Variants in TLN1 observed in about 807,000 individuals in gnomAD.
TLN1 encodes the protein talin-1.
A neutral mutation model predicts 292.3 loss-of-function variants in TLN1; 56 were observed. The ratio of observed to expected loss-of-function variants is 0.19; its 90% confidence interval spans 0.15 to 0.24. The LOEUF (loss-of-function observed/expected upper bound fraction) is 0.24. TLN1 is among the 10% of genes least tolerant of loss of function. TLN1 has a pLI of 1.00. For synonymous variants in TLN1, 1,119 were observed against 1,253.7 expected, an observed-to-expected ratio of 0.89 and a Z score of 2.27; for missense variants, 2,433 against 3,248.2, an observed-to-expected ratio of 0.75 and a Z score of 6.10.
In TLN1 at chr9:35,698,723, C is replaced by G; in HGVS notation, c.7126-44G>C. Reference sequence around the variant, plus strand: ...CCTACTTAGACCTGCATTTTCCTCACTTCAAAGACTCGCTGGCTATGGATG... The same window carrying G: ...CCTACTTAGACCTGCATTTTCCTCAGTTCAAAGACTCGCTGGCTATGGATG... On this transcript the variant is annotated intron_variant, in intron 53 of 56. Coordinates refer to ENST00000314888, the MANE Select transcript of TLN1 (RefSeq NM_006289.4). The surrounding 1 kb of genome is among the most constrained non-coding windows in gnomAD (Gnocchi z 5.3). The G allele has an allele frequency of 6.2e-7, 1 of 1,614,132 alleles. No individual in the cohort carries two copies. Among genetic ancestry groups the G allele is most frequent in the Non-Finnish European group, 8.5e-7 (1 of 1,180,028 alleles).
rs1825406042 is a variant in TLN1, at chr9:35,698,453, G to A, written c.7241C>T (p.Ala2414Val). ...CTCCTGGCTGGCATGGCCTTGTACA[G>A]CTGCATTGGCTGCCTCACACAGATT... is the stretch of plus-strand genomic sequence containing the variant. The part of the protein sequence containing the change: ...TNNLCEAANA[A>V]VQGHASQEKL... The change falls in exon 55 of 57, where the codon GCT (alanine) becomes GTT (valine). Residue 2414 changes from alanine (A) to valine (V), a missense_variant. By Grantham distance (64) the Ala-to-Val change is moderately conservative. Around this residue, in one of 7 missense-constraint regions of TLN1, gnomAD observed 141 missense variants for 248.5 expected, o/e 0.57. Coordinates refer to ENST00000314888, the MANE Select transcript of TLN1 (RefSeq NM_006289.4). This position sits in a 1 kb window ranked among gnomAD's most constrained non-coding sequence, Gnocchi z 5.3. The A allele has an allele frequency of 6.2e-7, 1 of 1,613,934 alleles. No homozygotes were observed.
Position 35,717,964 on chromosome 9 carries a change from C to G in TLN1, c.1996-178G>C, listed in dbSNP as rs868822287. ...AGCACCCAGCAGGACAGAACCCCCACCGAGGAACAAACCCACACCAAGAGA... is the reference window on the plus strand; with the variant it reads ...AGCACCCAGCAGGACAGAACCCCCAGCGAGGAACAAACCCACACCAAGAGA... On this transcript the variant is annotated intron_variant, in intron 17 of 56. Coordinates refer to ENST00000314888, the MANE Select transcript of TLN1 (RefSeq NM_006289.4). This position sits in a 1 kb window ranked among gnomAD's most constrained non-coding sequence, Gnocchi z 4.7. Among the ~76,000 whole-genome samples, 1 of 152,150 alleles carries G rather than the reference C, an allele frequency of 6.6e-6. No individual in the cohort carries two copies. The highest frequency in any genetic ancestry group is 2.1e-4 in the South Asian group (1 of 4,824).
At chr9:35,712,790 GA>G (rs1263029842) in intron 27 of TLN1, 44 bp downstream of exon 27, 2 of 1,520,690 alleles carry the variant, frequency 1.3e-6, no homozygotes. Context: ...TGGGCCTTAT[GA>G]AGGAACCTGG....
chr9:35,722,447 T>C (rs1825893374), intron 8 of TLN1, among the ~76,000 whole-genome samples: 1 of 152,148 alleles, frequency 6.6e-6, no homozygotes, highest in Non-Finnish European at 1.5e-5. Context: ...TCTGGAGATA[T>C]GAACAGAGAG....
At chr9:35,701,223 A>G (rs1825462149) in intron 48 of TLN1, among the ~76,000 whole-genome samples, 3 of 152,234 alleles carry the variant, frequency 2.0e-5, no homozygotes, top group Admixed American at 2.0e-4. Flanking sequence ...GGAAGAGAGT[A>G]GGATGAGACT....
At chr9:35,711,202 C>T (rs1033868277) in intron 30 of TLN1, 53 bp downstream of exon 30, 98 of 1,611,356 alleles carry the variant, frequency 6.1e-5, no homozygotes, top group Admixed American at 2.2e-4. Context: ...GAACTGCCTG[C>T]TCCCCAGTCT....
rs1393609697 is a variant in TLN1, at chr9:35,697,716, C to T, written c.*75G>A. 1.3e-6 allele frequency: 2 copies of T among 1,574,600 alleles called. No individual in the cohort carries two copies. Among genetic ancestry groups the T allele is most frequent in the East Asian group, 2.2e-5 (1 of 44,532 alleles). ...GTGCTGGGGTTGGGCAGGTTGGGCC[C>T]CGACAGCCCAGAAGGCTTTGGTAGT... On this transcript the variant is annotated 3_prime_UTR_variant, in exon 57 of 57. Transcript: ENST00000314888.
Position 35,704,490 on chromosome 9 carries a change from G to T in TLN1, c.5889C>A (p.His1963Gln). The T allele has an allele frequency of 1.2e-6, 2 of 1,609,280 alleles. No individual in the cohort carries two copies. Among genetic ancestry groups the T allele is most frequent in the East Asian group, 2.2e-5 (1 of 44,840 alleles). The stretch of plus-strand genomic sequence containing the variant: ...TCCCAGCCTGGAGCGCAGCCAGGAC[G>T]TGGGAGACCTGGGTAGGGAATGTCA... ...CARRVSEKVS[H>Q]VLAALQAGNR... The change falls in exon 45 of 57, where the codon CAC becomes CAA. Residue 1963 changes from histidine to glutamine, a missense_variant. Transcript: ENST00000314888. The surrounding 1 kb of genome is among the most constrained non-coding windows in gnomAD (Gnocchi z 6.9).
Position 35,710,637 on chromosome 9 carries a change from C to T in TLN1, c.4250G>A (p.Gly1417Glu), listed in dbSNP as rs747944920. ...GGCATCTCCAAACTCTGGCAGGTTTCCGTTCTTGGCATTTTGGGAGATGCC... is the reference window on the plus strand; with the variant it reads ...GGCATCTCCAAACTCTGGCAGGTTTTCGTTCTTGGCATTTTGGGAGATGCC... ...MTGISQNAKN[G>E]NLPEFGDAIS... The change falls in exon 33 of 57, where the codon GGA becomes GAA. Residue 1417 changes from glycine to glutamate, a missense_variant. Transcript: ENST00000314888. The T allele has an allele frequency of 6.2e-7, 1 of 1,614,230 alleles. No homozygotes were observed. The highest frequency in any genetic ancestry group is 8.5e-7 in the Non-Finnish European group (1 of 1,180,050).
intron 8 of TLN1, 118 bp downstream of exon 8, chr9:35,722,743 C>T: frequency 1.0e-6 from 1 of 985,858 alleles, no homozygotes; most frequent in Admixed American, 1.8e-5. Context: ...GGATAACAGC[C>T]CGGTGGGTGA....
At chr9:35,705,932 C>T in intron 41 of TLN1, 30 bp downstream of exon 41, 1 of 1,614,082 alleles carries the variant, frequency 6.2e-7, no homozygotes, top group Non-Finnish European at 8.5e-7. Flanking sequence ...AGGGTAGCCT[C>T]AGTGTCCAAA....
At chr9:35,713,901 G>T (rs939885833) in intron 25 of TLN1, 52 bp downstream of exon 25, 1 of 1,608,886 alleles carries the variant, frequency 6.2e-7, no homozygotes, top group East Asian at 2.2e-5. Context: ...GGGCACGGAG[G>T]TGAAGGAAGA....
chr9:35,717,614 C>T lies in TLN1; in HGVS notation c.2163+5G>A. The T allele has an allele frequency of 6.2e-7, 1 of 1,605,462 alleles. No homozygotes were observed. The highest frequency in any genetic ancestry group is 8.5e-7 in the Non-Finnish European group (1 of 1,173,044). The stretch of plus-strand genomic sequence containing the variant: ...GCACGGACTAGAGCAACCTTTGGGG[C>T]TCACCTTAGTACAGGCCACTAGTTG... On this transcript the variant is annotated splice_donor_5th_base_variant and intron_variant, in intron 18 of 56. Coordinates refer to ENST00000314888, the MANE Select transcript of TLN1 (RefSeq NM_006289.4). The surrounding 1 kb of genome is among the most constrained non-coding windows in gnomAD (Gnocchi z 4.7).
chr9:35,720,677 G>C, intron 11 of TLN1, 135 bp downstream of exon 11: 1 of 1,008,002 alleles, frequency 9.9e-7, no homozygotes, highest in Non-Finnish European at 1.5e-6. Flanking sequence ...CCAGGCTGGA[G>C]TGCAGAGGCA....
rs1358846911 is a variant in TLN1, at chr9:35,699,555, T to C, written c.6769-94A>G. Reference sequence around the variant, plus strand: ...GCAGACCATGGCCCCCTCACCCCTATCCCTAGAGCACTCCACACCATAGCC... The same window carrying C: ...GCAGACCATGGCCCCCTCACCCCTACCCCTAGAGCACTCCACACCATAGCC... On this transcript the variant is annotated intron_variant, in intron 50 of 56. Transcript: ENST00000314888. This position sits in a 1 kb window ranked among gnomAD's most constrained non-coding sequence, Gnocchi z 4.0. 1.4e-6 allele frequency: 2 copies of C among 1,475,344 alleles called. No individual in the cohort carries two copies. Among genetic ancestry groups the C allele is most frequent in the Non-Finnish European group, 1.8e-6 (2 of 1,109,860 alleles). The allele number at this position is 1,475,344 out of a possible 1,614,324, so 91.4% of individuals were successfully genotyped here.
chr9:35,728,774 T>C (rs1345585204), intron 1 of TLN1, among the ~76,000 whole-genome samples: 1 of 152,190 alleles, frequency 6.6e-6, no homozygotes, highest in Admixed American at 6.5e-5. Context: ...CCAGCAAGCA[T>C]TCCTTGAGGG....
In TLN1 at chr9:35,703,890, A is replaced by G; in HGVS notation, c.6242T>C (p.Ile2081Thr). 6.2e-7 allele frequency: 1 copy of G among 1,614,140 alleles called. No individual in the cohort carries two copies. Among genetic ancestry groups the G allele is most frequent in the Non-Finnish European group, 8.5e-7 (1 of 1,180,030 alleles). ...AEDPETQVVLINAVKDVAKAL... is the reference protein window; with the variant it reads ...AEDPETQVVLTNAVKDVAKAL... The stretch of plus-strand genomic sequence containing the variant: ...TTTGGCTACATCTTTCACTGCGTTG[A>G]TTAGTACCACCTGTGTGGGAAAGCG... Residue 2081 changes from isoleucine (I) to threonine (T), a missense_variant, in exon 47 of 57, where the codon ATC becomes ACC. By Grantham distance (89) the Ile-to-Thr change is moderately conservative. This residue lies in a region of TLN1 where 1,384 missense variants were observed against 1,699.6 expected (regional missense o/e 0.81). Transcript: ENST00000314888.
chr9:35,719,261 T>C lies in TLN1; in HGVS notation c.1709A>G (p.Tyr570Cys), dbSNP rs749152363. ...LTAGDPAETD[Y>C]TAVGCAVTTI... The stretch of plus-strand genomic sequence containing the variant: ...GGTGACTGCACAGCCCACTGCGGTA[T>C]AGTCTGTCTCAGCAGGGTCCCCTAA... Residue 570 changes from tyrosine (Y) to cysteine (C), a missense_variant, in exon 16 of 57, where the codon TAT (tyrosine) becomes TGT (cysteine). By Grantham distance (194) the Tyr-to-Cys change is radical. Transcript: ENST00000314888. The surrounding 1 kb of genome is among the most constrained non-coding windows in gnomAD (Gnocchi z 4.6). 4 of 1,613,876 alleles carry C rather than the reference T, an allele frequency of 2.5e-6. No individual in the cohort carries two copies. The South Asian group carries it at 3.3e-5, about 13-fold the overall frequency.
chr9:35,721,022 A>C, intron 10 of TLN1, 109 bp from the exon 11 acceptor site: 1 of 756,572 alleles, frequency 1.3e-6, no homozygotes, highest in South Asian at 1.7e-5. Context: ...TCCCGTGGCA[A>C]CGGCCCTCTT....
Sources: gnomAD v4.1 joint callset for allele counts (sites outside exome capture counted in the v4.1 genomes callset) on GRCh38, gnomAD v4.1.1 for gene constraint, gnomAD v4.1.1 regional missense constraint, Gnocchi (gnomAD v3.1) non-coding constraint, MANE v1.5 for transcripts, NCBI Gene and HGNC (gene_info 2026-07-23, HGNC 2026-07-21) for gene names.